Variants in AKAP19 observed in about 807,000 individuals in gnomAD.
The protein encoded by AKAP19 is A-kinase anchoring protein 19.
At chr2:190,027,570 T>C in the AKAP19 span, among the ~76,000 whole-genome samples, 1 of 152,210 alleles carries the variant, frequency 6.6e-6, no homozygotes, top group East Asian at 1.9e-4. Context: ...GGTGATACTC[T>C]AATATTTCTG....
At chr2:189,885,098 T>A in the AKAP19 span, among the ~76,000 whole-genome samples, 1 of 152,190 alleles carries the variant, frequency 6.6e-6, no homozygotes, top group Non-Finnish European at 1.5e-5. Flanking sequence ...GGTAGCTGGA[T>A]CTGCCATCAT....
chr2:190,107,922 G>A, the AKAP19 span, among the ~76,000 whole-genome samples: 1 of 152,192 alleles, frequency 6.6e-6, no homozygotes, highest in Non-Finnish European at 1.5e-5. Flanking sequence ...TGTGGATGAA[G>A]AAAGTGTGGC....
At chr2:189,972,641 G>A in the AKAP19 span, among the ~76,000 whole-genome samples, 2 of 152,014 alleles carry the variant, frequency 1.3e-5, no homozygotes, top group African/African-American at 2.4e-5. Flanking sequence ...ATTTGTTTGT[G>A]TCCTCTTTTA....
At chr2:190,018,475 A>C in the AKAP19 span, among the ~76,000 whole-genome samples, 2 of 152,004 alleles carry the variant, frequency 1.3e-5, no homozygotes, top group African/African-American at 4.8e-5. Context: ...TCAGCTCAAA[A>C]ATTTCTATTT....
chr2:190,124,429 T>G, the AKAP19 span, among the ~76,000 whole-genome samples: 1 of 152,218 alleles, frequency 6.6e-6, no homozygotes, highest in African/African-American at 2.4e-5. Flanking sequence ...TGTAATGCAG[T>G]GGTAAATATG....
At chr2:190,178,669 C>T in the AKAP19 span, among the ~76,000 whole-genome samples, 1 of 152,232 alleles carries the variant, frequency 6.6e-6, no homozygotes. The surrounding 1 kb of genome is among the most constrained non-coding windows in gnomAD (Gnocchi z 6.3). Flanking sequence ...GTGTGTAGGC[C>T]TCGCTCCCTC....
the AKAP19 span, among the ~76,000 whole-genome samples, chr2:189,997,095 A>G: frequency 6.6e-6 from 1 of 152,194 alleles, no homozygotes; most frequent in African/African-American, 2.4e-5. Context: ...AAGTTGTCAT[A>G]TGGAGAGACT....
chr2:190,044,943 C>T, the AKAP19 span, among the ~76,000 whole-genome samples: 1 of 152,116 alleles, frequency 6.6e-6, no homozygotes, highest in African/African-American at 2.4e-5. Flanking sequence ...GGATCCAGGA[C>T]CCTCTTACAA....
At chr2:190,178,660 T>G in the AKAP19 span, among the ~76,000 whole-genome samples, 1 of 152,192 alleles carries the variant, frequency 6.6e-6, no homozygotes, top group Non-Finnish European at 1.5e-5. The surrounding 1 kb of genome is among the most constrained non-coding windows in gnomAD (Gnocchi z 6.3). Context: ...CTTGGCTCGG[T>G]GTGTAGGCCT....
chr2:189,939,153 A>G, the AKAP19 span, among the ~76,000 whole-genome samples: 1 of 152,200 alleles, frequency 6.6e-6, no homozygotes, highest in Non-Finnish European at 1.5e-5. Context: ...ATCCCCAGCC[A>G]TGGAAACTCT....
chr2:190,138,444 C>G, the AKAP19 span, among the ~76,000 whole-genome samples: 2 of 152,286 alleles, frequency 1.3e-5, no homozygotes, highest in African/African-American at 4.8e-5. Context: ...CTAGGCAGTT[C>G]AGCTGCTCTA....
chr2:190,087,546 T>C, the AKAP19 span, among the ~76,000 whole-genome samples: 6 of 152,362 alleles, frequency 3.9e-5, no homozygotes, highest in African/African-American at 1.4e-4. Flanking sequence ...CTCTGCTTAC[T>C]CTGAGAGGCC....
chr2:190,021,992 G>A, the AKAP19 span, among the ~76,000 whole-genome samples: 1 of 152,084 alleles, frequency 6.6e-6, no homozygotes, highest in Non-Finnish European at 1.5e-5. Flanking sequence ...GCAACAAATG[G>A]CATCACGTGG....
the AKAP19 span, chr2:190,201,145 T>G: frequency 6.0e-6 from 1 of 167,066 alleles, no homozygotes; most frequent in African/African-American, 2.4e-5. Flanking sequence ...GGGTTTTTGT[T>G]ATTTTTTAGT....
chr2:189,894,726 CATT>C, the AKAP19 span, among the ~76,000 whole-genome samples: 1 of 150,614 alleles, frequency 6.6e-6, no homozygotes, highest in Non-Finnish European at 1.5e-5. Context: ...TAATACATAT[CATT>C]ATGTTATATA....
chr2:190,127,014 C>T, the AKAP19 span, among the ~76,000 whole-genome samples: 4 of 152,108 alleles, frequency 2.6e-5, no homozygotes, highest in Admixed American at 6.5e-5. Flanking sequence ...CCTTTGGCCA[C>T]CAGAGCACCC....
the AKAP19 span, among the ~76,000 whole-genome samples, chr2:190,049,235 T>C: frequency 6.6e-6 from 1 of 151,414 alleles, no homozygotes; most frequent in Non-Finnish European, 1.5e-5. Flanking sequence ...GAAAAAAAAA[T>C]GAGTGAAGGA....
At chr2:189,970,441 T>C in the AKAP19 span, among the ~76,000 whole-genome samples, 1 of 152,222 alleles carries the variant, frequency 6.6e-6, no homozygotes, top group Admixed American at 6.5e-5. Flanking sequence ...TAGCAAATGA[T>C]ATTATTTTGC....
the AKAP19 span, among the ~76,000 whole-genome samples, chr2:189,881,572 G>A: frequency 3.3e-5 from 5 of 152,142 alleles, no homozygotes; most frequent in Non-Finnish European, 7.4e-5. Context: ...GTATGAAAGT[G>A]GCTTATGTAT....
Sources: allele counts gnomAD v4.1 joint callset (sites outside exome capture counted in the v4.1 genomes callset), GRCh38; gene constraint gnomAD v4.1.1; non-coding constraint Gnocchi (gnomAD v3.1); transcripts MANE v1.5; gene names NCBI Gene and HGNC (gene_info 2026-07-23, HGNC 2026-07-21).